EML4: variants seen among roughly 807,000 people sequenced by gnomAD.
The protein encoded by EML4 is echinoderm microtubule-associated protein-like 4.
EML4 carries 72 observed loss-of-function variants against 129.0 expected under a neutral mutation model. That is an observed-to-expected ratio of 0.56 (90% CI 0.46 to 0.68). The LOEUF (loss-of-function observed/expected upper bound fraction) is 0.68, where lower values mean the gene tolerates loss of function less well. EML4 is among the 30% of genes least tolerant of loss of function. The pLI is 0.00. For missense variants in EML4, 1,363 were observed against 1,190.6 expected (o/e 1.14, Z -2.13); for synonymous variants, 532 against 405.0 (o/e 1.31, Z -3.77).
intron 6 of EML4, among the ~76,000 whole-genome samples, chr2:42,279,564 T>C (rs929549137): frequency 1.4e-4 from 21 of 152,110 alleles, no homozygotes; most frequent in African/African-American, 4.1e-4. Flanking sequence ...TTCACGCCAT[T>C]CTCCTGCCTC....
In EML4 at chr2:42,264,103, G is replaced by GTTTTTTT. The variant is rs9309080; in HGVS notation, c.642-583_642-577dup. ...AAGGCTCCCAACTCAAACAATACGT[G>GTTTTTTT]TTTTTTTTTTTTTTTTTTTTTTTTT... On this transcript the variant is annotated intron_variant, in intron 5 of 22. Coordinates refer to ENST00000318522, the MANE Select transcript of EML4 (RefSeq NM_019063.5). 1.2e-3 allele frequency among the ~76,000 whole-genome samples: 117 copies of GTTTTTTT among 100,774 alleles called. 28 individuals are homozygous for GTTTTTTT. Among genetic ancestry groups the GTTTTTTT allele is most frequent in the Non-Finnish European group, 1.6e-3 (84 of 51,226 alleles). The allele number at this position is 100,774 out of a possible 152,430, so 66.1% of individuals were successfully genotyped here. A position where few individuals can be genotyped will look rare whatever the true frequency, so the allele number is the denominator to read the frequency against.
Position 42,330,037 on chromosome 2 carries a change from A to T in EML4, c.2776A>T (p.Ser926Cys). 1 of 1,613,660 alleles carries T rather than the reference A, an allele frequency of 6.2e-7. No individual in the cohort carries two copies. The highest frequency in any genetic ancestry group is 1.3e-5 in the African/African-American group (1 of 74,834). The part of the protein sequence containing the change: ...ISSSPTLLEN[S>C]LEQTVEPSED... ...CAGTTCTCCCACACTTCTGGAGAAC[A>T]GCCTGGAACAAACTGTGGAGCCAAG... The change falls in exon 23 of 23, where the codon AGC becomes TGC. Residue 926 changes from serine to cysteine, a missense_variant. Coordinates refer to ENST00000318522, the MANE Select transcript of EML4 (RefSeq NM_019063.5).
chr2:42,295,068 A>G, intron 11 of EML4, 57 bp from the exon 12 acceptor site: 1 of 1,429,404 alleles, frequency 7.0e-7, no homozygotes, highest in Non-Finnish European at 9.4e-7. Context: ...AATTGAATTG[A>G]TACTTGAAGG....
At chr2:42,312,428 C>T (rs1390339051) in intron 17 of EML4, among the ~76,000 whole-genome samples, 2 of 152,274 alleles carry the variant, frequency 1.3e-5, no homozygotes, top group East Asian at 3.9e-4. Flanking sequence ...TGATAAGAAA[C>T]ATTTACAGTC....
intron 1 of EML4, among the ~76,000 whole-genome samples, chr2:42,212,213 T>G (rs1672925780): frequency 6.6e-6 from 1 of 152,202 alleles, no homozygotes; most frequent in African/African-American, 2.4e-5. Flanking sequence ...TCAGCTGTTT[T>G]GGAGACTTTC....
At chr2:42,199,166 C>G (rs1446989166) in intron 1 of EML4, among the ~76,000 whole-genome samples, 1 of 152,006 alleles carries the variant, frequency 6.6e-6, no homozygotes, top group Non-Finnish European at 1.5e-5. Flanking sequence ...AGGATAAGGG[C>G]TTGGGGTTAT....
At chr2:42,193,923 G>C (rs1671753287) in intron 1 of EML4, among the ~76,000 whole-genome samples, 1 of 152,154 alleles carries the variant, frequency 6.6e-6, no homozygotes, top group Admixed American at 6.5e-5. Context: ...GGGCTCAAGT[G>C]ATCCTCTCCC....
chr2:42,237,423 C>T (rs1674748025), intron 1 of EML4, among the ~76,000 whole-genome samples: 1 of 151,954 alleles, frequency 6.6e-6, no homozygotes, highest in Non-Finnish European at 1.5e-5. Context: ...AAGACATTTG[C>T]AGTTATTTTC....
intron 9 of EML4, chr2:42,285,856 C>T (rs1667276700): frequency 1.1e-5 from 2 of 181,500 alleles, no homozygotes; most frequent in Admixed American, 5.5e-5. Context: ...GCCTCGGCCT[C>T]CCAAAGTGCT....
chr2:42,244,074 GT>G (rs1675213906), intron 1 of EML4, among the ~76,000 whole-genome samples: 2 of 139,346 alleles, frequency 1.4e-5, no homozygotes, highest in Non-Finnish European at 1.5e-5. Context: ...TGTTTTTTTT[GT>G]TTTTTGTTTT....
At chr2:42,219,961 G>T (rs537460156) in intron 1 of EML4, among the ~76,000 whole-genome samples, 1 of 151,074 alleles carries the variant, frequency 6.6e-6, no homozygotes, top group East Asian at 1.9e-4. Context: ...TTTTTGCCAG[G>T]AATAGCTGCT....
intron 1 of EML4, among the ~76,000 whole-genome samples, chr2:42,237,896 T>G (rs1167555636): frequency 6.6e-6 from 1 of 152,122 alleles, no homozygotes; most frequent in Admixed American, 6.5e-5. Context: ...GTTAAGTACT[T>G]AAGTATGAAT....
Position 42,282,833 on chromosome 2 carries a change from C to G in EML4, c.802C>G (p.Arg268Gly). The G allele has an allele frequency of 6.2e-7, 1 of 1,611,186 alleles. No individual in the cohort carries two copies. The highest frequency in any genetic ancestry group is 8.5e-7 in the Non-Finnish European group (1 of 1,178,774). Residue 268 changes from arginine to glycine, a missense_variant, in exon 8 of 23, where the codon CGA becomes GGA. Arg to Gly is a moderately radical substitution (Grantham distance 125). Transcript: ENST00000318522. ...TCTTTTTCTGTTAAGATATGGTTAT[C>G]GAGGAAAGGACTGTAGAGCTAATGT... The part of the protein sequence containing the change: ...KLKLEWAYGY[R>G]GKDCRANVYL...
At chr2:42,222,988 A>G (rs116650440) in intron 1 of EML4, among the ~76,000 whole-genome samples, 1,598 of 152,082 alleles carry the variant, frequency 0.011, 30 homozygotes, top group African/African-American at 0.035. Flanking sequence ...TTTAGTAGAG[A>G]TGGGGTGTCA....
intron 6 of EML4, among the ~76,000 whole-genome samples, chr2:42,270,668 AG>A (rs1317555201): frequency 1.3e-5 from 2 of 152,186 alleles, no homozygotes; most frequent in African/African-American, 4.8e-5. Flanking sequence ...ACCTATTGAG[AG>A]GGTGTATATT....
intron 1 of EML4, among the ~76,000 whole-genome samples, chr2:42,217,658 A>G (rs527949630): frequency 1.3e-5 from 2 of 152,300 alleles, no homozygotes; most frequent in South Asian, 4.1e-4. Context: ...TCTGGACTAC[A>G]TTTGGTCATG....
chr2:42,226,423 GC>G (rs1673959940), intron 1 of EML4, among the ~76,000 whole-genome samples: 1 of 148,490 alleles, frequency 6.7e-6, no homozygotes, highest in African/African-American at 2.4e-5. Flanking sequence ...ACTTTGGGAG[GC>G]CGAGGCGGGC....
intron 1 of EML4, among the ~76,000 whole-genome samples, chr2:42,190,575 A>ATT (rs560480732): frequency 1.8e-3 from 274 of 152,274 alleles, no homozygotes; most frequent in African/African-American, 6.4e-3. Flanking sequence ...GATAGAAGCT[A>ATT]TTTTTTTAAG....
rs570079179 is a variant in EML4, at chr2:42,186,263, C to T, written c.25+16627C>T. Reference sequence around the variant, plus strand: ...CTACGTTACTATGCACTTTTATTTCCCTGTATTAAGCACAGGTTTGTTCGT... The same window carrying T: ...CTACGTTACTATGCACTTTTATTTCTCTGTATTAAGCACAGGTTTGTTCGT... On this transcript the variant is annotated intron_variant, in intron 1 of 22. Transcript: ENST00000318522. Among the ~76,000 whole-genome samples, 19 of 151,968 alleles carry T rather than the reference C, an allele frequency of 1.3e-4. No homozygotes were observed. The South Asian group carries it at 3.9e-3, about 32-fold the overall frequency.
Sources: allele counts gnomAD v4.1 joint callset (sites outside exome capture counted in the v4.1 genomes callset), GRCh38; gene constraint gnomAD v4.1.1; transcripts MANE v1.5; gene names NCBI Gene and HGNC (gene_info 2026-07-23, HGNC 2026-07-21).